PI4KA: variants seen among roughly 807,000 people sequenced by gnomAD.
The protein encoded by PI4KA is phosphatidylinositol 4-kinase alpha.
PI4KA carries 122 observed loss-of-function variants against 271.4 expected under a neutral mutation model. That is an observed-to-expected ratio of 0.45 (90% CI 0.39 to 0.52). The LOEUF (loss-of-function observed/expected upper bound fraction) is 0.52, where lower values mean the gene tolerates loss of function less well. PI4KA is among the 20% of genes least tolerant of loss of function. PI4KA has a pLI of 0.00. For synonymous variants in PI4KA, 1,041 were observed against 1,078.8 expected (o/e 0.96, Z 0.69); for missense variants, 1,969 against 2,769.1 (o/e 0.71, Z 6.48).
At chr22:20,814,331 A>C (rs1444532833) in intron 7 of PI4KA, among the ~76,000 whole-genome samples, 1 of 152,222 alleles carries the variant, frequency 6.6e-6, no homozygotes. Flanking sequence ...GACTGGGGGA[A>C]GGGGAAATGG....
At chr22:20,754,724 T>C (rs1038603899) in intron 23 of PI4KA, among the ~76,000 whole-genome samples, 1 of 151,982 alleles carries the variant, frequency 6.6e-6, no homozygotes, top group African/African-American at 2.4e-5. Context: ...CCGAGGTGGG[T>C]GGATCACGAG....
rs766484154 is a variant in PI4KA, at chr22:20,779,206, G to A, written c.2329-13513C>T. 5.4e-5 allele frequency: 86 copies of A among 1,599,258 alleles called. No homozygotes were observed. The Middle Eastern group carries it at 3.8e-3, about 71-fold the overall frequency. On this transcript the variant is annotated intron_variant, in intron 19 of 54. Coordinates refer to ENST00000255882, the MANE Select transcript of PI4KA (RefSeq NM_058004.4). ...TAATGCTGTGAGGGCCTCTTCCTGG[G>A]TCAAAGCCACAGGGAACCTGCCATG...
At chr22:20,850,153 A>C (rs1342125611) in intron 1 of PI4KA, among the ~76,000 whole-genome samples, 2 of 152,208 alleles carry the variant, frequency 1.3e-5, no homozygotes, top group Non-Finnish European at 2.9e-5. Context: ...AGCACTATTG[A>C]AAAACCTAGC....
chr22:20,836,458 C>T (rs1340555050), intron 2 of PI4KA, among the ~76,000 whole-genome samples: 1 of 152,180 alleles, frequency 6.6e-6, no homozygotes, highest in Non-Finnish European at 1.5e-5. Context: ...AACAAAACTC[C>T]ATAAGGCCTG....
At chr22:20,711,048 G>T in intron 51 of PI4KA, 190 bp from the exon 52 acceptor site, 1 of 606,878 alleles carries the variant, frequency 1.6e-6, no homozygotes, top group Non-Finnish European at 3.0e-6. Flanking sequence ...GAGAAGGGAG[G>T]AAGTGGAGGA....
At position 20,753,150 on chromosome 22, in the gene PI4KA, T is replaced by C. The variant is rs1302243851; in HGVS notation, c.2822A>G (p.Asp941Gly). ...GMMQCVIAVADKVFDAFLNMM... is the reference protein window; with the variant it reads ...GMMQCVIAVAGKVFDAFLNMM... Reference sequence around the variant, plus strand: ...GTTCAGGAAGGCATCGAATACTTTGTCCGCGACTGCAATCACACACTGCAT... The same window carrying C: ...GTTCAGGAAGGCATCGAATACTTTGCCCGCGACTGCAATCACACACTGCAT... The change falls in exon 24 of 55, where the codon GAC becomes GGC. Residue 941 changes from aspartate to glycine, a missense_variant. Physicochemically the swap from Asp to Gly is moderately conservative, Grantham distance 94. Around this residue, in one of 13 missense-constraint regions of PI4KA, gnomAD observed 368 missense variants for 544.3 expected, o/e 0.68. Transcript: ENST00000255882. The C allele has an allele frequency of 6.2e-7, 1 of 1,613,338 alleles. No homozygotes were observed. The highest frequency in any genetic ancestry group is 8.5e-7 in the Non-Finnish European group (1 of 1,180,056).
At chr22:20,786,190 T>C in intron 19 of PI4KA, 2 of 1,610,920 alleles carry the variant, frequency 1.2e-6, no homozygotes, top group Non-Finnish European at 1.7e-6. Context: ...CCCCAGGGTC[T>C]GCCTCAGCAC....
intron 19 of PI4KA, chr22:20,779,059 A>C: frequency 1.1e-6 from 1 of 906,140 alleles, no homozygotes; most frequent in South Asian, 1.8e-5. Flanking sequence ...ACCTTTAAAG[A>C]AGGGATTTTC....
chr22:20,782,986 TCA>T (rs1933916195), intron 19 of PI4KA, among the ~76,000 whole-genome samples: 1 of 46,064 alleles, frequency 2.2e-5, no homozygotes, highest in African/African-American at 1.3e-4. Context: ...ACAAGTTACT[TCA>T]CTTCTTTGTG....
At chr22:20,813,539 G>A (rs1921349286) in intron 7 of PI4KA, 33 bp from the exon 8 acceptor site, 2 of 1,608,458 alleles carry the variant, frequency 1.2e-6, no homozygotes, top group Middle Eastern at 1.7e-4. Context: ...ACTCAGCCGT[G>A]GTGACAGGCA....
intron 19 of PI4KA, among the ~76,000 whole-genome samples, chr22:20,789,523 T>G (rs1934496388): frequency 6.6e-6 from 1 of 152,060 alleles, no homozygotes; most frequent in Non-Finnish European, 1.5e-5. Context: ...AGAGATGAGG[T>G]TTCACCATGT....
In PI4KA at chr22:20,715,373, C is replaced by CT. The variant is rs762461779; in HGVS notation, c.5318-674dup. On this transcript the variant is annotated intron_variant, in intron 45 of 54. Transcript: ENST00000255882. ...GTGTGAGCCACTGCGCCTGGCCTTC[C>CT]TTACCCATTTGAATACTACTCTCTC... Among the ~76,000 whole-genome samples the CT allele has an allele frequency of 1.1e-3, 159 of 150,598 alleles. 2 individuals carry two copies. The highest frequency in any genetic ancestry group is 1.1e-3 in the Non-Finnish European group (72 of 67,650).
At chr22:20,799,571 G>A in intron 15 of PI4KA, 100 bp downstream of exon 15, 2 of 846,570 alleles carry the variant, frequency 2.4e-6, no homozygotes, top group Non-Finnish European at 3.8e-6. Flanking sequence ...CTGAGACAAG[G>A]AGATAAGGAC....
At chr22:20,797,669 G>C (rs1480611336) in intron 17 of PI4KA, among the ~76,000 whole-genome samples, 9 of 152,180 alleles carry the variant, frequency 5.9e-5, no homozygotes, top group African/African-American at 2.2e-4. Flanking sequence ...CCCAACTGCA[G>C]GCAGGTTCTC....
intron 8 of PI4KA, among the ~76,000 whole-genome samples, chr22:20,811,562 C>G (rs1022589281): frequency 1.1e-4 from 15 of 134,274 alleles, no homozygotes; most frequent in Admixed American, 2.6e-4. Context: ...GTTATCTGTA[C>G]AGTATTTAGT....
intron 28 of PI4KA, 117 bp downstream of exon 28, chr22:20,749,788 C>T: frequency 1.5e-6 from 1 of 688,000 alleles, no homozygotes; most frequent in Non-Finnish European, 2.7e-6. Flanking sequence ...TAGACTGATG[C>T]TTCCAGTCTC....
At chr22:20,780,235 C>T (rs774618166) in intron 19 of PI4KA, 1 of 1,613,984 alleles carries the variant, frequency 6.2e-7, no homozygotes, top group South Asian at 1.1e-5. Context: ...CACAGCAAAC[C>T]CACAACATAC....
intron 32 of PI4KA, among the ~76,000 whole-genome samples, chr22:20,735,931 T>C (rs888301209): frequency 6.6e-6 from 1 of 152,192 alleles, no homozygotes; most frequent in Non-Finnish European, 1.5e-5. Context: ...TCCCACCTAT[T>C]TGTTACACAA....
chr22:20,851,692 T>C lies in PI4KA; in HGVS notation c.156+6878A>G, dbSNP rs116268024. The stretch of plus-strand genomic sequence containing the variant: ...GATAAGCTTTAAACACAGAAAAACA[T>C]TCAGGAAAAGAGAATGGCTTCTGCA... On this transcript the variant is annotated intron_variant, in intron 1 of 54. Coordinates refer to ENST00000255882, the MANE Select transcript of PI4KA (RefSeq NM_058004.4). 2.2e-3 allele frequency among the ~76,000 whole-genome samples: 332 copies of C among 152,224 alleles called. 1 individual carries two copies. Among genetic ancestry groups the C allele is most frequent in the African/African-American group, 7.9e-3 (330 of 41,536 alleles).
Sources: gnomAD v4.1 joint callset for allele counts (sites outside exome capture counted in the v4.1 genomes callset) on GRCh38, gnomAD v4.1.1 for gene constraint, gnomAD v4.1.1 regional missense constraint, MANE v1.5 for transcripts, NCBI Gene and HGNC (gene_info 2026-07-23, HGNC 2026-07-21) for gene names.